The following ADGRD1 variants were observed in gnomAD, a reference collection of about 807,000 sequenced individuals.
The protein encoded by ADGRD1 is G-protein coupled receptor 133.
ADGRD1 carries 77 observed loss-of-function variants against 113.4 expected under a neutral mutation model. The ratio of observed to expected loss-of-function variants is 0.68; its 90% CI spans 0.57 to 0.82. The LOEUF is 0.82. Ranked by LOEUF, ADGRD1 falls within the 40% of genes least tolerant of loss-of-function variation. The probability of loss-of-function intolerance (pLI) is 0.00; values close to 1 mark genes in which losing one functional copy is unlikely to be tolerated. For synonymous variants in ADGRD1, 474 were observed against 475.0 expected, an observed-to-expected ratio of 1.00 and a Z score of 0.03; for missense variants, 1,036 against 1,139.1, an observed-to-expected ratio of 0.91 and a Z score of 1.30.
At chr12:131,089,619 G>GGTGCTCCCTACCTGATGA (rs1421528474) in intron 15 of ADGRD1, among the ~76,000 whole-genome samples, 1 of 151,976 alleles carries the variant, frequency 6.6e-6, no homozygotes, top group African/African-American at 2.4e-5. Context: ...CTACCTGATG[G>GGTGCTCCCTACCTGATGA]GTGCTCCCGG....
At position 130,954,273 on chromosome 12, in the gene ADGRD1, T is replaced by G; in HGVS notation, c.-193T>G. On this transcript the variant is annotated 5_prime_UTR_variant, in exon 1 of 25. Coordinates refer to ENST00000261654, the MANE Select transcript of ADGRD1 (RefSeq NM_198827.5). This position sits in a 1 kb window ranked among gnomAD's most constrained non-coding sequence, Gnocchi z 4.7. ...TTATTGATCACTGAAGAATCTCAAG[T>G]TTTGAGACGAGGAAGAAACACCCAT... The G allele has an allele frequency of 1.9e-6, 1 of 515,602 alleles. No individual in the cohort carries two copies. Among genetic ancestry groups the G allele is most frequent in the South Asian group, 3.4e-5 (1 of 29,178 alleles). The allele number at this position is 515,602 out of a possible 1,614,324, so 31.9% of individuals were successfully genotyped here. A position where few individuals can be genotyped will look rare whatever the true frequency, so the allele number is the denominator to read the frequency against.
At position 131,050,124 on chromosome 12, in the gene ADGRD1, T is replaced by C. The variant is rs1308721275; in HGVS notation, c.1474-26677T>C. On this transcript the variant is annotated intron_variant, in intron 13 of 24. Coordinates refer to ENST00000261654, the MANE Select transcript of ADGRD1 (RefSeq NM_198827.5). The surrounding 1 kb of genome is among the most constrained non-coding windows in gnomAD (Gnocchi z 4.8). ...TGCGTGCAGGAAGCTGGGAATTCAG[T>C]GTGTCCTCCTGGGCCAGCACAAACC... Among the ~76,000 whole-genome samples, 1 of 152,064 alleles carries C rather than the reference T, an allele frequency of 6.6e-6. No individual in the cohort carries two copies. The highest frequency in any genetic ancestry group is 1.5e-5 in the Non-Finnish European group (1 of 68,016).
intron 13 of ADGRD1, among the ~76,000 whole-genome samples, chr12:131,073,554 C>G (rs1198611093): frequency 6.6e-6 from 1 of 152,188 alleles, no homozygotes; most frequent in East Asian, 1.9e-4. Flanking sequence ...CAATGTTGGA[C>G]ACGTAGCTCC....
chr12:130,970,033 AT>A (rs1565989154), intron 3 of ADGRD1: 1 of 152,242 alleles, frequency 6.6e-6, no homozygotes, highest in East Asian at 1.9e-4. Context: ...TAAAATCAGC[AT>A]TTCGTCTGTA....
chr12:131,000,100 G>A (rs1011404550), intron 8 of ADGRD1, among the ~76,000 whole-genome samples: 23 of 152,328 alleles, frequency 1.5e-4, no homozygotes, highest in African/African-American at 4.6e-4. Flanking sequence ...TCCCCCAGGC[G>A]CTGTGCTAGG....
chr12:131,104,800 G>C, intron 15 of ADGRD1, 31 bp from the exon 16 acceptor site: 1 of 1,499,086 alleles, frequency 6.7e-7, no homozygotes. Context: ...GCCTGGGCCT[G>C]CTGCTGACGC....
chr12:130,959,811 C>G lies in ADGRD1; in HGVS notation c.103+5151C>G, dbSNP rs1260744509. 3.3e-5 allele frequency among the ~76,000 whole-genome samples: 5 copies of G among 152,316 alleles called. No homozygotes were observed. In the East Asian group the frequency reaches 9.7e-4, roughly 29 times the overall value. On this transcript the variant is annotated intron_variant, in intron 2 of 24. Transcript: ENST00000261654. ...AAGTAATTGCCAAACAACTTGAAAT[C>G]ATTTTAAGCCTTTGCATACTCTGTG... is the stretch of plus-strand genomic sequence containing the variant.
chr12:130,989,297 G>A (rs908956871), intron 6 of ADGRD1: 2 of 152,236 alleles, frequency 1.3e-5, no homozygotes, highest in Non-Finnish European at 2.9e-5. Context: ...AGTAACACTG[G>A]AAAGAGGTGC....
intron 15 of ADGRD1, chr12:131,092,171 C>T (rs1305596167): frequency 6.6e-6 from 1 of 152,506 alleles, no homozygotes; most frequent in Non-Finnish European, 1.5e-5. Flanking sequence ...GAGTGAGGAC[C>T]TGAGGTTAAC....
In ADGRD1 at chr12:131,021,995, C is replaced by T. The variant is rs183737935; in HGVS notation, c.1473+7655C>T. Reference sequence around the variant, plus strand: ...CTGGGATTACAGGTATGAGCCACCGCGCTCGGCCCTGATCTCTTCTTATAA... The same window carrying T: ...CTGGGATTACAGGTATGAGCCACCGTGCTCGGCCCTGATCTCTTCTTATAA... On this transcript the variant is annotated intron_variant, in intron 13 of 24. Coordinates refer to ENST00000261654, the MANE Select transcript of ADGRD1 (RefSeq NM_198827.5). 1.4e-3 allele frequency among the ~76,000 whole-genome samples: 215 copies of T among 152,218 alleles called. 2 individuals carry two copies. The highest frequency in any genetic ancestry group is 4.8e-3 in the African/African-American group (199 of 41,532).
chr12:131,098,699 C>A (rs1950000587), intron 15 of ADGRD1, among the ~76,000 whole-genome samples: 1 of 152,222 alleles, frequency 6.6e-6, no homozygotes, highest in South Asian at 2.1e-4. Flanking sequence ...TCTGCAGTCA[C>A]CTCCGCCACC....
chr12:131,057,670 G>A lies in ADGRD1; in HGVS notation c.1474-19131G>A, dbSNP rs1057432298. ...GACACTCAGATGGGACTGAGGGCTC[G>A]TCCCCATCTAGCACAGTCTCATCTT... On this transcript the variant is annotated intron_variant, in intron 13 of 24. Coordinates refer to ENST00000261654, the MANE Select transcript of ADGRD1 (RefSeq NM_198827.5). The surrounding 1 kb of genome is among the most constrained non-coding windows in gnomAD (Gnocchi z 4.2). Among the ~76,000 whole-genome samples, 7 of 152,086 alleles carry A rather than the reference G, an allele frequency of 4.6e-5. No homozygotes were observed. Among genetic ancestry groups the A allele is most frequent in the African/African-American group, 1.7e-4 (7 of 41,402 alleles).
rs1876710743 is a variant in ADGRD1 at position 131,003,810 on chromosome 12, T to C, written c.1145-376T>C. Among the ~76,000 whole-genome samples, 1 of 152,212 alleles carries C rather than the reference T, an allele frequency of 6.6e-6. No individual in the cohort carries two copies. The highest frequency in any genetic ancestry group is 2.4e-5 in the African/African-American group (1 of 41,458). On this transcript the variant is annotated intron_variant, in intron 10 of 24. Transcript: ENST00000261654. The surrounding 1 kb of genome is among the most constrained non-coding windows in gnomAD (Gnocchi z 4.8). ...GCTGAAGCTACAGGGGTTAGTTTAG[T>C]CGCAGTTTGTTGGCCGTGTTGCCCT...
Position 131,036,567 on chromosome 12 carries a change from G to T in ADGRD1, c.1473+22227G>T, listed in dbSNP as rs542446628. 2.1e-3 allele frequency among the ~76,000 whole-genome samples: 260 copies of T among 124,070 alleles called. 2 individuals carry two copies. The highest frequency in any genetic ancestry group is 7.8e-3 in the African/African-American group (250 of 31,854). 81.4% of individuals were successfully genotyped at this position (124,070 alleles called of 152,430 possible). ...CTACACTGGGCCTCACTCACTGCAT[G>T]GGGCCTCACTCACTACACCAGGTCT... On this transcript the variant is annotated intron_variant, in intron 13 of 24. Transcript: ENST00000261654.
At position 130,982,030 on chromosome 12, in the gene ADGRD1, T is replaced by A. The variant is rs989216656; in HGVS notation, c.457T>A (p.Ser153Thr). Reference sequence around the variant, plus strand: ...TGTGGAGCTGTATACGCGGGACAATTCCATGACATGGGAGGCCTCCTTCAG... The same window carrying A: ...TGTGGAGCTGTATACGCGGGACAATACCATGACATGGGAGGCCTCCTTCAG... ...GSVELYTRDN[S>T]MTWEASFSPP... is the part of the protein sequence containing the mutation. The change falls in exon 5 of 25, where the codon TCC (serine) becomes ACC (threonine). Residue 153 changes from serine to threonine, a missense_variant. Physicochemically the swap from Ser to Thr is moderately conservative, Grantham distance 58. Coordinates refer to ENST00000261654, the MANE Select transcript of ADGRD1 (RefSeq NM_198827.5). 5.0e-6 allele frequency: 8 copies of A among 1,613,972 alleles called. No homozygotes were observed. Among genetic ancestry groups the A allele is most frequent in the East Asian group, 4.5e-5 (2 of 44,878 alleles).
chr12:130,997,113 C>T (rs531910397), intron 8 of ADGRD1, among the ~76,000 whole-genome samples: 7 of 126,876 alleles, frequency 5.5e-5, no homozygotes, highest in African/African-American at 1.2e-4. Context: ...ACCTCCTGGA[C>T]GGGGCGGCTG....
At chr12:131,135,998 C>T (rs1227047894) in intron 21 of ADGRD1, 39 bp from the exon 22 acceptor site, 3 of 1,612,250 alleles carry the variant, frequency 1.9e-6, no homozygotes, top group East Asian at 2.2e-5. Flanking sequence ...TGCACCTGCC[C>T]TCCTGCCACT....
At chr12:131,006,294 CA>C (rs1877110678) in intron 12 of ADGRD1, among the ~76,000 whole-genome samples, 1 of 152,236 alleles carries the variant, frequency 6.6e-6, no homozygotes, top group Non-Finnish European at 1.5e-5. Flanking sequence ...CCCGCCTGGA[CA>C]GAACTGTGTG....
At position 131,022,964 on chromosome 12, in the gene ADGRD1, C is replaced by T. The variant is rs1457655599; in HGVS notation, c.1473+8624C>T. ...TAGGATTGCATTCTGATACCTGTTT[C>T]TGGTCTAAGACTGTGGGATTCATTT... is the stretch of plus-strand genomic sequence containing the variant. On this transcript the variant is annotated intron_variant, in intron 13 of 24. Coordinates refer to ENST00000261654, the MANE Select transcript of ADGRD1 (RefSeq NM_198827.5). The surrounding 1 kb of genome is among the most constrained non-coding windows in gnomAD (Gnocchi z 4.6). 6.6e-6 allele frequency: 1 copy of T among 152,114 alleles called. No individual in the cohort carries two copies. Among genetic ancestry groups the T allele is most frequent in the African/African-American group, 2.4e-5 (1 of 41,402 alleles). 9.4% of individuals were successfully genotyped at this position (152,114 alleles called of 1,614,324 possible).
Sources: gnomAD v4.1 joint callset for allele counts (sites outside exome capture counted in the v4.1 genomes callset) on GRCh38, gnomAD v4.1.1 for gene constraint, Gnocchi (gnomAD v3.1) non-coding constraint, MANE v1.5 for transcripts, NCBI Gene and HGNC (gene_info 2026-07-23, HGNC 2026-07-21) for gene names.